The following RSRC1 variants were observed in gnomAD, a reference collection of about 807,000 sequenced individuals.
The protein encoded by RSRC1 is serine/Arginine-related protein 53.
Under a neutral mutation model 49.1 loss-of-function variants are expected in RSRC1, and 39 were observed. That is an observed-to-expected ratio of 0.79 (90% CI 0.61 to 1.04). The LOEUF is 1.04. Among genes scored for constraint, RSRC1 ranks in the 50% least tolerant of loss-of-function variants. The probability of loss-of-function intolerance (pLI) is 0.00; values close to 1 mark genes in which losing one functional copy is unlikely to be tolerated. For missense variants in RSRC1, 388 were observed against 402.4 expected, an observed-to-expected ratio of 0.96 and a Z score of 0.31; for synonymous variants, 143 against 130.8, an observed-to-expected ratio of 1.09 and a Z score of -0.63.
chr3:158,372,076 A>G (rs999451678), intron 6 of RSRC1, among the ~76,000 whole-genome samples: 3 of 147,870 alleles, frequency 2.0e-5, no homozygotes, highest in Non-Finnish European at 3.1e-5. Flanking sequence ...GTAAAAGTTC[A>G]TGATCAAATA....
At chr3:158,287,713 A>G (rs1270427635) in intron 4 of RSRC1, among the ~76,000 whole-genome samples, 1 of 152,212 alleles carries the variant, frequency 6.6e-6, no homozygotes, top group Admixed American at 6.5e-5. Context: ...CAAGTCAACC[A>G]TGGTCCCATT....
chr3:158,244,993 A>AT (rs1723803212), intron 4 of RSRC1, among the ~76,000 whole-genome samples: 1 of 114,462 alleles, frequency 8.7e-6, no homozygotes, highest in Admixed American at 9.3e-5. Context: ...GGATTTGTAG[A>AT]TTTTTCAAAG....
chr3:158,354,998 A>AC, intron 6 of RSRC1, 90 bp downstream of exon 6: 5 of 707,064 alleles, frequency 7.1e-6, no homozygotes, highest in South Asian at 4.8e-5. Context: ...AAAAAAAAAA[A>AC]CACTATTTTT....
At chr3:158,193,197 G>C (rs1720344829) in intron 3 of RSRC1, among the ~76,000 whole-genome samples, 1 of 151,952 alleles carries the variant, frequency 6.6e-6, no homozygotes, top group Non-Finnish European at 1.5e-5. Context: ...GCTTGTTCAG[G>C]GGCACTATTA....
intron 1 of RSRC1, among the ~76,000 whole-genome samples, chr3:158,111,600 A>G (rs571406536): frequency 6.6e-6 from 1 of 152,192 alleles, no homozygotes; most frequent in Admixed American, 6.5e-5. Context: ...TTTTGAGATA[A>G]AGAGTTGTGT....
At chr3:158,285,221 T>G (rs1190145032) in intron 4 of RSRC1, among the ~76,000 whole-genome samples, 1 of 152,172 alleles carries the variant, frequency 6.6e-6, no homozygotes, top group Non-Finnish European at 1.5e-5. Flanking sequence ...CGGCGTTATT[T>G]CTGAGGGCTC....
chr3:158,215,734 A>G (rs923832836), intron 4 of RSRC1, among the ~76,000 whole-genome samples: 3 of 151,670 alleles, frequency 2.0e-5, no homozygotes, highest in Admixed American at 1.3e-4. Context: ...TCTGTGTTTT[A>G]TTGCTTCAGT....
intron 7 of RSRC1, among the ~76,000 whole-genome samples, chr3:158,502,739 T>G (rs182756035): frequency 2.0e-5 from 3 of 152,256 alleles, no homozygotes; most frequent in Non-Finnish European, 2.9e-5. Context: ...TTTAAGCTAT[T>G]TCCTTTAATA....
At chr3:158,452,220 G>A (rs1381155486) in intron 6 of RSRC1, among the ~76,000 whole-genome samples, 1 of 152,052 alleles carries the variant, frequency 6.6e-6, no homozygotes, top group Non-Finnish European at 1.5e-5. Flanking sequence ...TGGTCATTCT[G>A]ACCATTGACA....
At chr3:158,351,674 C>T (rs1220821240) in intron 5 of RSRC1, among the ~76,000 whole-genome samples, 1 of 151,486 alleles carries the variant, frequency 6.6e-6, no homozygotes, top group African/African-American at 2.4e-5. Context: ...CCTGAGTATC[C>T]TAGTGATTTA....
intron 4 of RSRC1, among the ~76,000 whole-genome samples, chr3:158,258,281 T>C (rs1559965211): frequency 6.6e-6 from 1 of 150,922 alleles, no homozygotes; most frequent in Non-Finnish European, 1.5e-5. Flanking sequence ...GGAAAGTCTT[T>C]ATTTCTCCAT....
chr3:158,341,745 A>G (rs1730253528), intron 5 of RSRC1, among the ~76,000 whole-genome samples: 1 of 152,102 alleles, frequency 6.6e-6, no homozygotes, highest in Admixed American at 6.5e-5. Flanking sequence ...AGAATCACAG[A>G]TCTATTGACA....
At chr3:158,460,007 A>G (rs1737532930) in intron 6 of RSRC1, among the ~76,000 whole-genome samples, 2 of 152,090 alleles carry the variant, frequency 1.3e-5, no homozygotes, top group African/African-American at 4.8e-5. Flanking sequence ...GCAGCAAAAA[A>G]TTGAAGAGTA....
intron 3 of RSRC1, among the ~76,000 whole-genome samples, chr3:158,195,064 A>C (rs1720497824): frequency 6.6e-6 from 1 of 152,190 alleles, no homozygotes; most frequent in Non-Finnish European, 1.5e-5. Flanking sequence ...ATCCCTGAGG[A>C]ATAGCCACAC....
chr3:158,177,810 A>G (rs1719322905), intron 3 of RSRC1, among the ~76,000 whole-genome samples: 1 of 152,180 alleles, frequency 6.6e-6, no homozygotes, highest in Non-Finnish European at 1.5e-5. Context: ...GTTGGCAAAC[A>G]TTGGCCATTT....
At chr3:158,290,490 T>C (rs985716005) in intron 4 of RSRC1, among the ~76,000 whole-genome samples, 7 of 152,100 alleles carry the variant, frequency 4.6e-5, no homozygotes, top group Non-Finnish European at 8.8e-5. Flanking sequence ...TTAGCCAGGA[T>C]GGTCTCGATT....
chr3:158,229,214 A>G (rs569844280), intron 4 of RSRC1, among the ~76,000 whole-genome samples: 7 of 149,690 alleles, frequency 4.7e-5, no homozygotes, highest in South Asian at 2.1e-4. Flanking sequence ...ATATATGTAT[A>G]CACACATACA....
intron 8 of RSRC1, among the ~76,000 whole-genome samples, chr3:158,540,601 TATC>T (rs1305740762): frequency 6.6e-6 from 1 of 152,126 alleles, no homozygotes; most frequent in African/African-American, 2.4e-5. Context: ...TGGATCTTGA[TATC>T]ATCATCCCCA....
intron 6 of RSRC1, among the ~76,000 whole-genome samples, chr3:158,435,018 A>G (rs150979343): frequency 6.6e-6 from 1 of 152,072 alleles, no homozygotes; most frequent in Non-Finnish European, 1.5e-5. Context: ...AGTGTTTTTT[A>G]TTTAATGAGG....
Sources: allele counts gnomAD v4.1 joint callset (sites outside exome capture counted in the v4.1 genomes callset), GRCh38; gene constraint gnomAD v4.1.1; transcripts MANE v1.5; gene names NCBI Gene and HGNC (gene_info 2026-07-23, HGNC 2026-07-21).